DENND2A: variants seen among roughly 807,000 people sequenced by gnomAD.
DENND2A encodes DENN domain containing 2A.
A neutral mutation model predicts 105.3 loss-of-function variants in DENND2A; 53 were observed. The observed-to-expected ratio is 0.50, with a 90% CI of 0.40 to 0.63. The LOEUF (loss-of-function observed/expected upper bound fraction) is 0.63. Among genes scored for constraint, DENND2A ranks in the 30% least tolerant of loss-of-function variants. DENND2A has a pLI of 0.00. For synonymous variants in DENND2A, 522 were observed against 508.4 expected (o/e 1.03, Z -0.36); for missense variants, 1,138 against 1,279.6 (o/e 0.89, Z 1.69).
intron 2 of DENND2A, among the ~76,000 whole-genome samples, chr7:140,603,204 G>T (rs1408813868): frequency 1.5e-5 from 2 of 136,334 alleles, no homozygotes; most frequent in Non-Finnish European, 3.2e-5. Context: ...GAGAATTGCT[G>T]GAACCCGGGA....
intron 1 of DENND2A, among the ~76,000 whole-genome samples, chr7:140,612,073 C>G (rs1043373705): frequency 4.6e-5 from 7 of 151,980 alleles, no homozygotes; most frequent in Non-Finnish European, 1.0e-4. Flanking sequence ...AACCCCGTCT[C>G]TACTAAAAAT....
At chr7:140,608,062 C>T (rs1204454724) in intron 1 of DENND2A, among the ~76,000 whole-genome samples, 2 of 152,176 alleles carry the variant, frequency 1.3e-5, no homozygotes, top group African/African-American at 4.8e-5. Context: ...GAAAAAAGGC[C>T]ACTGTGTCGA....
intron 13 of DENND2A, among the ~76,000 whole-genome samples, chr7:140,546,545 C>T (rs1796914609): frequency 6.6e-6 from 1 of 152,176 alleles, no homozygotes; most frequent in African/African-American, 2.4e-5. Flanking sequence ...AGATCCCTAA[C>T]CTGAGGCCAA....
intron 8 of DENND2A, 65 bp downstream of exon 8, chr7:140,568,698 G>C: frequency 6.4e-7 from 1 of 1,551,886 alleles, no homozygotes; most frequent in Non-Finnish European, 8.9e-7. Flanking sequence ...TACTAAGGAG[G>C]AGGGGCCACC....
At chr7:140,629,395 G>A (rs560960012) in intron 1 of DENND2A, among the ~76,000 whole-genome samples, 11 of 152,186 alleles carry the variant, frequency 7.2e-5, no homozygotes, top group Non-Finnish European at 1.3e-4. Flanking sequence ...AAGGGAAAGT[G>A]CTCCTGAGGA....
chr7:140,593,485 C>T lies in DENND2A; in HGVS notation c.996-5705G>A, dbSNP rs79121742. On this transcript the variant is annotated intron_variant, in intron 3 of 19. Transcript: ENST00000496613. ...AATGCCAAACACTGTGATTCTGAGT[C>T]GTATTTTGAATGTTCTTCATGACTT... Among the ~76,000 whole-genome samples, 445 of 152,326 alleles carry T rather than the reference C, an allele frequency of 2.9e-3. 4 individuals carry two copies. The highest frequency in any genetic ancestry group is 1.0e-2 in the African/African-American group (415 of 41,574).
chr7:140,603,722 T>A (rs1799599540), intron 2 of DENND2A, among the ~76,000 whole-genome samples: 1 of 152,148 alleles, frequency 6.6e-6, no homozygotes, highest in Non-Finnish European at 1.5e-5. Flanking sequence ...AAATGCACTA[T>A]CTAATAGAGT....
intron 14 of DENND2A, among the ~76,000 whole-genome samples, chr7:140,528,126 C>G (rs746300886): frequency 1.3e-4 from 20 of 152,178 alleles, no homozygotes; most frequent in Non-Finnish European, 1.5e-4. Flanking sequence ...CAGGCGTGAG[C>G]CACCATGCCT....
Position 140,604,164 on chromosome 7 carries a change from C to T in DENND2A, c.-146+1541G>A, listed in dbSNP as rs17161636. Among the ~76,000 whole-genome samples the T allele has an allele frequency of 0.014, 2,157 of 152,244 alleles. 145 individuals are homozygous for T. The East Asian group carries it at 0.21, about 15-fold the overall frequency. ...ATCTGACCGCATGGAAATTCTGAAA[C>T]TCCAGTTAAGGTTCACCGTGAGGGA... On this transcript the variant is annotated intron_variant, in intron 2 of 19. Transcript: ENST00000496613.
In DENND2A at chr7:140,555,629, T is replaced by C. The variant is rs1361333223; in HGVS notation, c.2037+7A>G. On this transcript the variant is annotated splice_region_variant and intron_variant, in intron 12 of 19. Transcript: ENST00000496613. ...CCTTCCTCTTTCTCTGAGGTCCAAG[T>C]TCTCACCCTTGAAAAGAGGCTGAAG... The C allele has an allele frequency of 1.2e-6, 2 of 1,611,598 alleles. No individual in the cohort carries two copies. The highest frequency in any genetic ancestry group is 3.4e-5 in the Admixed American group (2 of 59,408).
At chr7:140,526,930 A>ATGCTAAAC (rs1796075607) in intron 15 of DENND2A, among the ~76,000 whole-genome samples, 1 of 152,162 alleles carries the variant, frequency 6.6e-6, no homozygotes, top group Non-Finnish European at 1.5e-5. Flanking sequence ...GAACTTGGGG[A>ATGCTAAAC]TTAAAAACAT....
chr7:140,635,032 G>A (rs775180048), intron 1 of DENND2A, among the ~76,000 whole-genome samples: 66 of 152,190 alleles, frequency 4.3e-4, no homozygotes, highest in Non-Finnish European at 8.2e-4. Flanking sequence ...CAAGGCCGAG[G>A]CAGGTGGATT....
intron 5 of DENND2A, among the ~76,000 whole-genome samples, chr7:140,584,815 C>A (rs1275708304): frequency 6.6e-6 from 1 of 152,102 alleles, no homozygotes; most frequent in Non-Finnish European, 1.5e-5. Context: ...TATGTATATT[C>A]TTTCATCTTT....
intron 9 of DENND2A, among the ~76,000 whole-genome samples, chr7:140,565,882 C>T (rs969005058): frequency 6.6e-6 from 1 of 152,132 alleles, no homozygotes; most frequent in Non-Finnish European, 1.5e-5. Flanking sequence ...CTCTGGTAGT[C>T]CTCACTGCTA....
At chr7:140,537,990 C>T (rs1164632021) in intron 14 of DENND2A, among the ~76,000 whole-genome samples, 1 of 152,164 alleles carries the variant, frequency 6.6e-6, no homozygotes, top group East Asian at 1.9e-4. Context: ...GACCACAGAA[C>T]AAGCCATCAC....
rs749113461 is a variant in DENND2A, at chr7:140,602,129, GTT to G, written c.267_268del (p.Arg89SerfsTer7). 6.2e-7 allele frequency: 1 copy of G among 1,614,096 alleles called. No individual in the cohort carries two copies. The highest frequency in any genetic ancestry group is 8.5e-7 in the Non-Finnish European group (1 of 1,180,018). The stretch of plus-strand genomic sequence containing the variant: ...TCCATTCTTAGCCTCTGTGACCTGA[GTT>G]CTCACCCCATCACTACTCCTCCTCT... On this transcript the variant is annotated frameshift_variant, in exon 3 of 20. Coordinates refer to ENST00000496613, the MANE Select transcript of DENND2A (RefSeq NM_015689.5). LOFTEE classifies it high-confidence loss of function.
At chr7:140,530,727 C>A (rs1392511317) in intron 14 of DENND2A, among the ~76,000 whole-genome samples, 1 of 151,298 alleles carries the variant, frequency 6.6e-6, no homozygotes, top group African/African-American at 2.4e-5. Context: ...GAAGTGACTT[C>A]TGTGTCTTTC....
intron 14 of DENND2A, among the ~76,000 whole-genome samples, chr7:140,540,046 G>T (rs1563126065): frequency 1.3e-5 from 2 of 152,206 alleles, no homozygotes; most frequent in Non-Finnish European, 2.9e-5. Flanking sequence ...GATGCTCAGG[G>T]GTCCCCCCTA....
At chr7:140,636,684 CTTTTTTT>C (rs35563637) in intron 1 of DENND2A, among the ~76,000 whole-genome samples, 28 of 98,364 alleles carry the variant, frequency 2.8e-4, no homozygotes, top group African/African-American at 9.7e-4. Context: ...CCTCCCCAGC[CTTTTTTT>C]TTTTTTTTTT....
Sources: gnomAD v4.1 joint callset for allele counts (sites outside exome capture counted in the v4.1 genomes callset) on GRCh38, gnomAD v4.1.1 for gene constraint, MANE v1.5 for transcripts, NCBI Gene and HGNC (gene_info 2026-07-23, HGNC 2026-07-21) for gene names.